The following BMPR1B variants were observed in gnomAD, a reference collection of about 807,000 sequenced individuals.
BMPR1B encodes bone morphogenetic protein receptor type 1B, also known as bone morphogenetic protein receptor type-1B.
In BMPR1B, 12 loss-of-function variants were observed where a neutral mutation model predicts 59.1. That is an observed-to-expected ratio of 0.20 (90% CI 0.13 to 0.33). The LOEUF (loss-of-function observed/expected upper bound fraction) is 0.33. BMPR1B is among the 10% of genes least tolerant of loss of function. The pLI, the probability that BMPR1B is intolerant of heterozygous loss-of-function variation, is 1.00. For synonymous variants in BMPR1B, 237 were observed against 207.3 expected, an observed-to-expected ratio of 1.14 and a Z score of -1.23; for missense variants, 550 against 610.9, an observed-to-expected ratio of 0.90 and a Z score of 1.05.
At chr4:94,765,699 A>T (rs1721945015) in intron 1 of BMPR1B, among the ~76,000 whole-genome samples, 2 of 152,214 alleles carry the variant, frequency 1.3e-5, no homozygotes, top group Non-Finnish European at 2.9e-5. Flanking sequence ...TAAATGAAAA[A>T]TTGGGGTTTG....
intron 1 of BMPR1B, among the ~76,000 whole-genome samples, chr4:94,824,622 G>T (rs10004286): frequency 0.37 from 55,873 of 152,030 alleles, 11,770 homozygotes; most frequent in Admixed American, 0.52. Context: ...GACATTTAGA[G>T]AATTAATTTT....
intron 2 of BMPR1B, among the ~76,000 whole-genome samples, chr4:94,963,071 T>C (rs547443587): frequency 2.6e-5 from 4 of 152,324 alleles, no homozygotes; most frequent in African/African-American, 9.6e-5. Context: ...TTCTGATGAT[T>C]AGTGATATGG....
chr4:94,820,136 C>A (rs913979534), intron 1 of BMPR1B, among the ~76,000 whole-genome samples: 1 of 152,178 alleles, frequency 6.6e-6, no homozygotes, highest in Non-Finnish European at 1.5e-5. Context: ...GTACCTCACA[C>A]AGTGAGGCCC....
chr4:95,154,962 CT>C lies in BMPR1B; in HGVS notation c.*302del, dbSNP rs11436086. 0.097 allele frequency: 26,447 copies of C among 273,346 alleles called. 1 individual carries two copies. Among genetic ancestry groups the C allele is most frequent in the South Asian group, 0.17 (3,724 of 21,310 alleles). 16.9% of individuals were successfully genotyped at this position (273,346 alleles called of 1,614,324 possible). On this transcript the variant is annotated 3_prime_UTR_variant, in exon 13 of 13. Transcript: ENST00000515059. ...AGAAAGCCCTGTATTTTGTGATTGC[CT>C]TTTTTTTTTTTTAAGATGCTTTCAT...
intron 2 of BMPR1B, among the ~76,000 whole-genome samples, chr4:94,995,151 T>G (rs1160802794): frequency 6.6e-6 from 1 of 152,180 alleles, no homozygotes; most frequent in East Asian, 1.9e-4. Flanking sequence ...TGTATCTTGT[T>G]TATGTCACCT....
intron 2 of BMPR1B, among the ~76,000 whole-genome samples, chr4:94,936,695 GTT>G (rs1729314496): frequency 6.6e-6 from 1 of 152,100 alleles, no homozygotes. Flanking sequence ...AAAATATTTA[GTT>G]TATTTCCAAA....
At chr4:95,056,754 C>T (rs1453642846) in intron 3 of BMPR1B, among the ~76,000 whole-genome samples, 6 of 152,114 alleles carry the variant, frequency 3.9e-5, no homozygotes, top group African/African-American at 4.8e-5. Flanking sequence ...CATCTCACTG[C>T]TTACTGAGCA....
chr4:94,774,654 T>A (rs1317301010), intron 1 of BMPR1B, among the ~76,000 whole-genome samples: 1 of 152,142 alleles, frequency 6.6e-6, no homozygotes, highest in Non-Finnish European at 1.5e-5. Context: ...TCATTCCTGT[T>A]GACTCAGTCC....
At chr4:94,865,368 C>T (rs1726175947) in intron 1 of BMPR1B, among the ~76,000 whole-genome samples, 1 of 151,224 alleles carries the variant, frequency 6.6e-6, no homozygotes, top group African/African-American at 2.4e-5. Flanking sequence ...TAGTTCTAAA[C>T]ACAAACCTGT....
intron 2 of BMPR1B, among the ~76,000 whole-genome samples, chr4:94,927,200 G>C (rs150534091): frequency 6.6e-6 from 1 of 152,082 alleles, no homozygotes; most frequent in East Asian, 1.9e-4. Flanking sequence ...CTTCAAACTC[G>C]TGCTAACATA....
At chr4:95,073,383 T>C (rs1269728806) in intron 3 of BMPR1B, among the ~76,000 whole-genome samples, 1 of 152,206 alleles carries the variant, frequency 6.6e-6, no homozygotes, top group Non-Finnish European at 1.5e-5. Flanking sequence ...GGTGAATGTT[T>C]TCTTTGTAGA....
At chr4:94,984,354 A>G in intron 2 of BMPR1B, among the ~76,000 whole-genome samples, 1 of 152,220 alleles carries the variant, frequency 6.6e-6, no homozygotes, top group East Asian at 1.9e-4. Context: ...AGTAAACTCA[A>G]TGAAAACTTT....
chr4:94,892,365 G>A (rs573883776), intron 2 of BMPR1B, among the ~76,000 whole-genome samples: 2 of 152,036 alleles, frequency 1.3e-5, no homozygotes, highest in South Asian at 2.1e-4. Flanking sequence ...ATTTATATAC[G>A]TGTTAAAGTT....
chr4:95,008,326 T>C (rs1046819243), intron 3 of BMPR1B, among the ~76,000 whole-genome samples: 5 of 152,188 alleles, frequency 3.3e-5, no homozygotes, highest in Non-Finnish European at 7.3e-5. Flanking sequence ...TCTACTTTCC[T>C]TCTCTCTCCA....
chr4:94,797,049 C>T (rs1723220161), intron 1 of BMPR1B, among the ~76,000 whole-genome samples: 1 of 152,156 alleles, frequency 6.6e-6, no homozygotes, highest in Admixed American at 6.5e-5. Context: ...TTTAATTGGA[C>T]TTACAGTTCC....
At chr4:95,047,717 ATTC>A (rs1392907941) in intron 3 of BMPR1B, among the ~76,000 whole-genome samples, 1 of 152,188 alleles carries the variant, frequency 6.6e-6, no homozygotes, top group Non-Finnish European at 1.5e-5. Context: ...AATTTTTTGA[ATTC>A]TTCTGAAAGG....
chr4:95,082,133 C>G (rs1729198262), intron 3 of BMPR1B, among the ~76,000 whole-genome samples: 2 of 111,806 alleles, frequency 1.8e-5, no homozygotes, highest in East Asian at 3.3e-4. Flanking sequence ...TCCCTCCCCC[C>G]TCCCCCCACC....
intron 2 of BMPR1B, among the ~76,000 whole-genome samples, chr4:94,956,084 A>T (rs139881910): frequency 6.6e-6 from 1 of 152,308 alleles, no homozygotes; most frequent in African/African-American, 2.4e-5. Context: ...TAAAATGAAA[A>T]CCTTTACAAA....
At chr4:95,090,321 G>C (rs1334806848) in intron 3 of BMPR1B, among the ~76,000 whole-genome samples, 1 of 151,382 alleles carries the variant, frequency 6.6e-6, no homozygotes, top group Non-Finnish European at 1.5e-5. Flanking sequence ...TTTACATTTT[G>C]AATTGATATA....
Sources: gnomAD v4.1 joint callset for allele counts (sites outside exome capture counted in the v4.1 genomes callset) on GRCh38, gnomAD v4.1.1 for gene constraint, MANE v1.5 for transcripts, NCBI Gene and HGNC (gene_info 2026-07-23, HGNC 2026-07-21) for gene names.